PDK1: variants seen among roughly 807,000 people sequenced by gnomAD.
PDK1 encodes the protein [Pyruvate dehydrogenase (acetyl-transferring)] kinase isozyme 1, mitochondrial.
Under a neutral mutation model 54.2 loss-of-function variants are expected in PDK1, and 39 were observed. The observed-to-expected ratio is 0.72, with a 90% CI of 0.56 to 0.94. The LOEUF (loss-of-function observed/expected upper bound fraction) is 0.94, where lower values mean the gene tolerates loss of function less well. Ranked by LOEUF, PDK1 falls within the 40% of genes least tolerant of loss-of-function variation. The pLI is 0.00. For missense variants in PDK1, 552 were observed against 566.0 expected (o/e 0.98, Z 0.25); for synonymous variants, 221 against 207.1 (o/e 1.07, Z -0.58).
At chr2:172,621,568 ATAT>A in the PDK1 span, among the ~76,000 whole-genome samples, 1 of 146,468 alleles carries the variant, frequency 6.8e-6, no homozygotes, top group Admixed American at 6.9e-5. Flanking sequence ...TTATATATTT[ATAT>A]TATATATGAT....
the PDK1 span, among the ~76,000 whole-genome samples, chr2:172,720,179 A>G: frequency 6.7e-6 from 1 of 148,420 alleles, no homozygotes; most frequent in African/African-American, 2.5e-5. Flanking sequence ...CAGTGGTACA[A>G]TCTCAGCTCA....
the PDK1 span, among the ~76,000 whole-genome samples, chr2:172,625,944 T>C: frequency 2.0e-5 from 3 of 152,210 alleles, no homozygotes; most frequent in Non-Finnish European, 2.9e-5. Context: ...ACAAAGATCC[T>C]CCTCCCATGC....
the PDK1 span, among the ~76,000 whole-genome samples, chr2:172,667,359 G>A: frequency 2.0e-5 from 3 of 152,196 alleles, no homozygotes; most frequent in South Asian, 6.2e-4. Flanking sequence ...AAGGTCTGGG[G>A]CAATGGGGCT....
intron 5 of PDK1, among the ~76,000 whole-genome samples, chr2:172,566,311 T>C (rs774630346): frequency 1.3e-5 from 2 of 152,124 alleles, no homozygotes; most frequent in Non-Finnish European, 2.9e-5. Context: ...TCCCAGCACT[T>C]TGGAAGGCTG....
the PDK1 span, among the ~76,000 whole-genome samples, chr2:172,700,293 G>A: frequency 1.3e-5 from 2 of 151,284 alleles, no homozygotes; most frequent in African/African-American, 4.9e-5. Context: ...ACGGGGTGGC[G>A]GCCGGGCAGA....
the PDK1 span, among the ~76,000 whole-genome samples, chr2:172,644,057 A>G: frequency 6.6e-6 from 1 of 152,194 alleles, no homozygotes; most frequent in South Asian, 2.1e-4. Context: ...GAGAATGGTT[A>G]ACATCAAAGG....
At chr2:172,631,826 C>G in the PDK1 span, among the ~76,000 whole-genome samples, 1 of 152,138 alleles carries the variant, frequency 6.6e-6, no homozygotes, top group Non-Finnish European at 1.5e-5. Context: ...TAAATCATCC[C>G]TTTTCTATGC....
the PDK1 span, among the ~76,000 whole-genome samples, chr2:172,721,721 C>T: frequency 6.6e-6 from 1 of 152,200 alleles, no homozygotes; most frequent in Non-Finnish European, 1.5e-5. Flanking sequence ...ATAATTTTCA[C>T]TATCCAAAAT....
chr2:172,621,646 A>G, the PDK1 span, among the ~76,000 whole-genome samples: 4 of 131,516 alleles, frequency 3.0e-5, no homozygotes, highest in African/African-American at 1.0e-4. Context: ...TTTATATATC[A>G]TATATGTTTA....
the PDK1 span, among the ~76,000 whole-genome samples, chr2:172,707,002 A>C: frequency 2.6e-3 from 396 of 152,206 alleles, 2 homozygotes; most frequent in African/African-American, 8.8e-3. Flanking sequence ...GGAGGGAGTT[A>C]CTGCTTCCTT....
At chr2:172,642,398 A>C in the PDK1 span, among the ~76,000 whole-genome samples, 1 of 152,138 alleles carries the variant, frequency 6.6e-6, no homozygotes, top group East Asian at 1.9e-4. Context: ...AGCTGTGAGT[A>C]TGGTGTAGGA....
At chr2:172,700,968 G>A in the PDK1 span, among the ~76,000 whole-genome samples, 1 of 152,110 alleles carries the variant, frequency 6.6e-6, no homozygotes, top group Non-Finnish European at 1.5e-5. Flanking sequence ...GTCCAGCCTC[G>A]GCTTGGCATC....
At chr2:172,580,312 G>A (rs76470145) in intron 8 of PDK1, among the ~76,000 whole-genome samples, 12 of 145,614 alleles carry the variant, frequency 8.2e-5, no homozygotes, top group South Asian at 2.1e-4. Flanking sequence ...CTACTTTCCC[G>A]TTAAGGTTTA....
At chr2:172,657,416 A>AAACCAG in the PDK1 span, among the ~76,000 whole-genome samples, 1 of 51,358 alleles carries the variant, frequency 1.9e-5, no homozygotes, top group South Asian at 5.1e-4. Context: ...ATTGAACCAG[A>AAACCAG]AACCAGAAGT....
At chr2:172,715,301 G>A in the PDK1 span, among the ~76,000 whole-genome samples, 1 of 152,178 alleles carries the variant, frequency 6.6e-6, no homozygotes, top group Non-Finnish European at 1.5e-5. Flanking sequence ...GAACTGGGAA[G>A]AGATGGAGCA....
chr2:172,556,388 G>A (rs1688323901), intron 1 of PDK1, 42 bp downstream of exon 1: 11 of 1,345,606 alleles, frequency 8.2e-6, no homozygotes, highest in East Asian at 2.9e-5. Flanking sequence ...GCGCGGTCCC[G>A]GGCGGGGAGC....
At chr2:172,672,037 A>G in the PDK1 span, among the ~76,000 whole-genome samples, 1 of 152,178 alleles carries the variant, frequency 6.6e-6, no homozygotes, top group Non-Finnish European at 1.5e-5. Context: ...AAGCACCATG[A>G]GTTGGTAGAA....
the PDK1 span, among the ~76,000 whole-genome samples, chr2:172,698,856 C>T: frequency 6.6e-6 from 1 of 152,126 alleles, no homozygotes; most frequent in East Asian, 1.9e-4. Context: ...GTCTCAGGTA[C>T]TGGTGTTTTT....
intron 8 of PDK1, among the ~76,000 whole-genome samples, chr2:172,575,246 T>G (rs1437193417): frequency 2.0e-5 from 3 of 152,224 alleles, no homozygotes; most frequent in Non-Finnish European, 4.4e-5. Context: ...TGAGGATTTT[T>G]ACGTTGATGT....
Sources: allele counts gnomAD v4.1 joint callset (sites outside exome capture counted in the v4.1 genomes callset), GRCh38; gene constraint gnomAD v4.1.1; transcripts MANE v1.5; gene names NCBI Gene and HGNC (gene_info 2026-07-23, HGNC 2026-07-21).